The following RGL1 variants were observed in gnomAD, a reference collection of about 807,000 sequenced individuals.
RGL1 encodes the protein ral guanine nucleotide dissociation stimulator like 1, also known as ral guanine nucleotide dissociation stimulator-like 1.
RGL1 carries 24 observed loss-of-function variants against 95.2 expected under a neutral mutation model. The ratio of observed to expected loss-of-function variants is 0.25; its 90% CI spans 0.18 to 0.35. The LOEUF (loss-of-function observed/expected upper bound fraction) is 0.35, where lower values mean the gene tolerates loss of function less well. RGL1 is among the 10% of genes least tolerant of loss of function. The pLI is 1.00. For missense variants in RGL1, 715 were observed against 936.3 expected (o/e 0.76, Z 3.08); for synonymous variants, 329 against 344.9 (o/e 0.95, Z 0.51).
At chr1:183,876,724 G>A (rs1186781283) in intron 4 of RGL1, among the ~76,000 whole-genome samples, 1 of 152,236 alleles carries the variant, frequency 6.6e-6, no homozygotes, top group Admixed American at 6.5e-5. Flanking sequence ...ACATATGTGT[G>A]TGTGTGTCTT....
At chr1:183,909,237 T>C (rs1668512214) in intron 14 of RGL1, among the ~76,000 whole-genome samples, 1 of 152,252 alleles carries the variant, frequency 6.6e-6, no homozygotes, top group Non-Finnish European at 1.5e-5. Flanking sequence ...TTAGCATGTT[T>C]ACAAATCTGG....
chr1:183,797,512 G>T (rs1375603683), intron 2 of RGL1, among the ~76,000 whole-genome samples: 1 of 152,170 alleles, frequency 6.6e-6, no homozygotes, highest in East Asian at 1.9e-4. Flanking sequence ...CCTAAAGTGG[G>T]CTTGTAATTT....
intron 1 of RGL1, among the ~76,000 whole-genome samples, chr1:183,739,184 G>C (rs1467030364): frequency 1.3e-5 from 2 of 152,210 alleles, no homozygotes; most frequent in Non-Finnish European, 2.9e-5. Flanking sequence ...AAAAGGAAAA[G>C]GAATGATCCA....
chr1:183,883,885 C>T lies in RGL1; in HGVS notation c.710C>T (p.Ala237Val). Residue 237 changes from alanine to valine, a missense_variant, in exon 6 of 18, where the codon GCA becomes GTA. This residue lies in a region of RGL1 where 381 missense variants were observed against 484.8 expected (regional missense o/e 0.79). Coordinates refer to ENST00000360851, the MANE Select transcript of RGL1 (RefSeq NM_001297671.3). ...ACGTGCTTCTCAGAAGATCTCGTGGCAGAGCAGCTGACCTACATGGATGCA... is the reference window on the plus strand; with the variant it reads ...ACGTGCTTCTCAGAAGATCTCGTGGTAGAGCAGCTGACCTACATGGATGCA... ...EFTCFSEDLV[A>V]EQLTYMDAQL... 1 of 1,614,014 alleles carries T rather than the reference C, an allele frequency of 6.2e-7. No individual in the cohort carries two copies. The highest frequency in any genetic ancestry group is 1.7e-5 in the Admixed American group (1 of 60,024).
upstream of RGL1, among the ~76,000 whole-genome samples, chr1:183,801,282 T>C (rs1490962715): frequency 5.3e-5 from 8 of 152,132 alleles, no homozygotes; most frequent in Non-Finnish European, 1.2e-4. Flanking sequence ...ATATATGTGT[T>C]GGTCGTTTGT....
At chr1:183,799,675 A>G (rs1223468582) in intron 2 of RGL1, among the ~76,000 whole-genome samples, 3 of 152,184 alleles carry the variant, frequency 2.0e-5, no homozygotes, top group Admixed American at 6.5e-5. Context: ...GTTGAGTTGT[A>G]TGCGTTCCTT....
Position 183,805,164 on chromosome 1 carries a change from G to A in RGL1, c.-134G>A, listed in dbSNP as rs1661199365. The stretch of plus-strand genomic sequence containing the variant: ...CCGGCGGCGGCGGGGGCAGCGCGGC[G>A]CGTGTCTGTGCGCTGCGGTCGCTCG... On this transcript the variant is annotated 5_prime_UTR_variant, in exon 1 of 18. Transcript: ENST00000360851. 5.9e-6 allele frequency: 7 copies of A among 1,195,516 alleles called. No individual in the cohort carries two copies. The highest frequency in any genetic ancestry group is 7.6e-6 in the Non-Finnish European group (7 of 920,180). 74.1% of individuals were successfully genotyped at this position (1,195,516 alleles called of 1,614,324 possible). A position where few individuals can be genotyped will look rare whatever the true frequency, so the allele number is the denominator to read the frequency against.
chr1:183,787,461 C>T (rs750434243), intron 2 of RGL1, among the ~76,000 whole-genome samples: 8 of 152,172 alleles, frequency 5.3e-5, no homozygotes, highest in Non-Finnish European at 1.0e-4. Flanking sequence ...ATAGCACTAA[C>T]ACCTAAGTAT....
chr1:183,770,128 G>C (rs1214912889), intron 2 of RGL1, among the ~76,000 whole-genome samples: 1 of 152,200 alleles, frequency 6.6e-6, no homozygotes, highest in African/African-American at 2.4e-5. Context: ...CAGTCCAGGT[G>C]CTTTTCTCTC....
At chr1:183,721,715 T>G (rs1255756679) in intron 1 of RGL1, among the ~76,000 whole-genome samples, 1 of 152,222 alleles carries the variant, frequency 6.6e-6, no homozygotes, top group African/African-American at 2.4e-5. Context: ...TTTGGCCACC[T>G]TGGATACTGT....
At chr1:183,903,539 T>C (rs1191058559) in intron 12 of RGL1, among the ~76,000 whole-genome samples, 1 of 152,118 alleles carries the variant, frequency 6.6e-6, no homozygotes, top group Non-Finnish European at 1.5e-5. Flanking sequence ...ATTCCACAAA[T>C]ATTGACTGTC....
At chr1:183,639,012 G>T (rs1649733183) in intron 1 of RGL1, among the ~76,000 whole-genome samples, 1 of 152,204 alleles carries the variant, frequency 6.6e-6, no homozygotes, top group African/African-American at 2.4e-5. Flanking sequence ...GGGCGTGGTG[G>T]CTCATGCCTG....
chr1:183,759,352 G>A (rs539990552), intron 2 of RGL1, among the ~76,000 whole-genome samples: 2 of 152,292 alleles, frequency 1.3e-5, no homozygotes, highest in South Asian at 4.2e-4. Context: ...TGCTATAGGA[G>A]TAGTTTCTAG....
intron 2 of RGL1, among the ~76,000 whole-genome samples, chr1:183,844,332 T>C (rs561779519): frequency 2.5e-4 from 38 of 152,324 alleles, no homozygotes; most frequent in African/African-American, 8.9e-4. Context: ...TGAAAAGTGG[T>C]AAATATGAGT....
rs747661684 is a variant in RGL1, at chr1:183,926,177, G to A, written c.2192G>A (p.Arg731His). Residue 731 changes from arginine to histidine, a missense_variant, in exon 18 of 18, where the codon CGC (arginine) becomes CAC (histidine). Arg to His is a conservative substitution (Grantham distance 29). Coordinates refer to ENST00000360851, the MANE Select transcript of RGL1 (RefSeq NM_001297671.3). ...CAAGTGAACTTTGACTTCATTTTGCGCAAAAAGAACTCCATGGAAGAACAA... is the reference window on the plus strand; with the variant it reads ...CAAGTGAACTTTGACTTCATTTTGCACAAAAAGAACTCCATGGAAGAACAA... ...NSQVNFDFIL[R>H]KKNSMEEQVK... 3 of 1,613,910 alleles carry A rather than the reference G, an allele frequency of 1.9e-6. No individual in the cohort carries two copies. The highest frequency in any genetic ancestry group is 1.7e-5 in the Admixed American group (1 of 59,998).
chr1:183,705,609 G>A (rs1322880010), intron 1 of RGL1, among the ~76,000 whole-genome samples: 1 of 152,128 alleles, frequency 6.6e-6, no homozygotes, highest in Non-Finnish European at 1.5e-5. Flanking sequence ...AAGACAAAGA[G>A]GTTTTGGGAA....
intron 2 of RGL1, among the ~76,000 whole-genome samples, chr1:183,793,168 A>C (rs948138346): frequency 6.6e-6 from 1 of 152,180 alleles, no homozygotes; most frequent in Non-Finnish European, 1.5e-5. Flanking sequence ...TGACAAAAGC[A>C]CAAAGAACAT....
At chr1:183,826,847 A>G (rs1198814106) in intron 2 of RGL1, among the ~76,000 whole-genome samples, 1 of 152,232 alleles carries the variant, frequency 6.6e-6, no homozygotes, top group East Asian at 1.9e-4. Context: ...TTGGGAAAAT[A>G]ATTCCTGTAT....
chr1:183,653,103 C>T (rs1423287488), intron 1 of RGL1: 2 of 152,232 alleles, frequency 1.3e-5, no homozygotes, highest in African/African-American at 4.8e-5. Flanking sequence ...GGATCACATT[C>T]CAGGTGTTAG....
Sources: allele counts gnomAD v4.1 joint callset (sites outside exome capture counted in the v4.1 genomes callset), GRCh38; gene constraint gnomAD v4.1.1; regional missense constraint gnomAD v4.1.1; transcripts MANE v1.5; gene names NCBI Gene and HGNC (gene_info 2026-07-23, HGNC 2026-07-21).